The following ASTN2 variants were observed in gnomAD, a reference collection of about 807,000 sequenced individuals.
The protein encoded by ASTN2 is astrotactin-2.
In ASTN2, 54 loss-of-function variants were observed where a neutral mutation model predicts 139.8. The ratio of observed to expected loss-of-function variants is 0.39; its 90% CI spans 0.31 to 0.48. The LOEUF (loss-of-function observed/expected upper bound fraction) is 0.48, where lower values mean the gene tolerates loss of function less well. ASTN2 is among the 20% of genes least tolerant of loss of function. The pLI is 0.95. For missense variants in ASTN2, 1,565 were observed against 1,725.1 expected, an observed-to-expected ratio of 0.91 and a Z score of 1.64; for synonymous variants, 756 against 719.5, an observed-to-expected ratio of 1.05 and a Z score of -0.81.
intron 10 of ASTN2, among the ~76,000 whole-genome samples, chr9:116,907,916 A>C (rs1834209153): frequency 2.0e-5 from 3 of 152,170 alleles, no homozygotes; most frequent in South Asian, 4.1e-4. Context: ...TGAAGGCTGT[A>C]GGAGGCATCG....
At chr9:116,726,631 G>A (rs1405379746) in intron 15 of ASTN2, among the ~76,000 whole-genome samples, 4 of 152,126 alleles carry the variant, frequency 2.6e-5, no homozygotes, top group Non-Finnish European at 4.4e-5. Flanking sequence ...TATCTCTGCT[G>A]TTCCCTCTCT....
chr9:116,457,581 A>C (rs147623834), intron 20 of ASTN2, among the ~76,000 whole-genome samples: 1 of 152,260 alleles, frequency 6.6e-6, no homozygotes, highest in African/African-American at 2.4e-5. Context: ...TACAAATGGC[A>C]AACAGGTATA....
intron 10 of ASTN2, among the ~76,000 whole-genome samples, chr9:116,913,721 T>C (rs1834374192): frequency 6.6e-6 from 1 of 152,090 alleles, no homozygotes; most frequent in Admixed American, 6.5e-5. Flanking sequence ...TCTGCATTCG[T>C]AATTGGGGAA....
At chr9:116,764,851 A>G (rs116342009) in intron 13 of ASTN2, among the ~76,000 whole-genome samples, 8,316 of 152,208 alleles carry the variant, frequency 0.055, 746 homozygotes, top group African/African-American at 0.19. Flanking sequence ...GGAAGTTGAG[A>G]GCAGTATAAA....
intron 2 of ASTN2, among the ~76,000 whole-genome samples, chr9:117,278,435 G>T (rs1458057851): frequency 6.6e-6 from 1 of 152,132 alleles, no homozygotes; most frequent in African/African-American, 2.4e-5. Flanking sequence ...CACTCCCAGT[G>T]AAAATATTGA....
intron 17 of ASTN2, among the ~76,000 whole-genome samples, chr9:116,638,535 CA>C (rs35046233): frequency 3.4e-5 from 5 of 146,884 alleles, no homozygotes; most frequent in African/African-American, 1.0e-4. Flanking sequence ...GGGGAATTGC[CA>C]AAAAAAAAAC....
At chr9:117,082,069 T>C (rs1324796624) in intron 5 of ASTN2, among the ~76,000 whole-genome samples, 1 of 152,168 alleles carries the variant, frequency 6.6e-6, no homozygotes, top group Non-Finnish European at 1.5e-5. Flanking sequence ...GTCAACTGGT[T>C]ACTCATAGAA....
chr9:117,148,789 C>G (rs887529072), intron 3 of ASTN2, among the ~76,000 whole-genome samples: 3 of 152,090 alleles, frequency 2.0e-5, no homozygotes, highest in African/African-American at 7.2e-5. Context: ...TGGAGTAAAG[C>G]AGAACATTCT....
chr9:116,602,299 T>G (rs16933744), intron 19 of ASTN2, among the ~76,000 whole-genome samples: 3,765 of 152,298 alleles, frequency 0.025, 148 homozygotes, highest in African/African-American at 0.086. Context: ...AGAGATCATT[T>G]TGATGCTGGA....
Position 117,157,790 on chromosome 9 carries a change from G to A in ASTN2, c.1016-16312C>T, listed in dbSNP as rs142611945. The stretch of plus-strand genomic sequence containing the variant: ...ATGAGAAGGAGCGAATGACCCCATC[G>A]TGATGAGGCTTAAATGCCAAGCTAC... On this transcript the variant is annotated intron_variant, in intron 3 of 22. Coordinates refer to ENST00000313400, the MANE Select transcript of ASTN2 (RefSeq NM_001365068.1). Among the ~76,000 whole-genome samples, 18 of 152,092 alleles carry A rather than the reference G, an allele frequency of 1.2e-4. No individual in the cohort carries two copies. In the East Asian group the frequency reaches 2.7e-3, roughly 23 times the overall value.
chr9:116,795,633 G>A (rs1050195535), intron 13 of ASTN2, among the ~76,000 whole-genome samples: 1 of 152,166 alleles, frequency 6.6e-6, no homozygotes, highest in Non-Finnish European at 1.5e-5. Flanking sequence ...ACCAAAACAT[G>A]AGCTGCTTAG....
chr9:117,243,621 A>G (rs181840381), intron 2 of ASTN2, among the ~76,000 whole-genome samples: 156 of 152,306 alleles, frequency 1.0e-3, no homozygotes, highest in Non-Finnish European at 1.7e-3. Flanking sequence ...TACTACCATC[A>G]TAACGTCACT....
At chr9:117,291,642 C>A in intron 1 of ASTN2, 129 bp from the exon 2 acceptor site, 1 of 711,002 alleles carries the variant, frequency 1.4e-6, no homozygotes, top group Non-Finnish European at 2.3e-6. Context: ...TTCCTCACAT[C>A]AAGTCTATGA....
chr9:117,046,669 A>T (rs1056563491), intron 5 of ASTN2, among the ~76,000 whole-genome samples: 2 of 152,214 alleles, frequency 1.3e-5, no homozygotes, highest in Non-Finnish European at 2.9e-5. Flanking sequence ...TGGACAAGTC[A>T]TGTCACATCT....
intron 3 of ASTN2, among the ~76,000 whole-genome samples, chr9:117,186,416 G>A (rs961388546): frequency 3.9e-4 from 59 of 151,938 alleles, no homozygotes; most frequent in Admixed American, 2.1e-3. Flanking sequence ...GTGTGGTGGC[G>A]GGCGCCTGTA....
chr9:116,737,482 T>A (rs893298748), intron 13 of ASTN2, among the ~76,000 whole-genome samples: 1 of 151,700 alleles, frequency 6.6e-6, no homozygotes, highest in Non-Finnish European at 1.5e-5. Flanking sequence ...TGTGTGTGTG[T>A]GTGTGTGTGT....
chr9:116,759,389 C>T (rs192207834), intron 13 of ASTN2, among the ~76,000 whole-genome samples: 40 of 152,272 alleles, frequency 2.6e-4, no homozygotes, highest in Admixed American at 9.2e-4. Context: ...CATACATAAC[C>T]GATTGTTCGC....
intron 1 of ASTN2, among the ~76,000 whole-genome samples, chr9:117,382,945 C>G (rs2130931164): frequency 6.6e-6 from 1 of 152,142 alleles, no homozygotes; most frequent in Non-Finnish European, 1.5e-5. Flanking sequence ...AATACTATAT[C>G]CAGAAGGCAG....
chr9:116,534,623 G>A (rs1231620186), intron 19 of ASTN2, among the ~76,000 whole-genome samples: 1 of 152,174 alleles, frequency 6.6e-6, no homozygotes, highest in Non-Finnish European at 1.5e-5. Flanking sequence ...TATGTACCCA[G>A]TAGTCATTCA....
Sources: allele counts gnomAD v4.1 joint callset (sites outside exome capture counted in the v4.1 genomes callset), GRCh38; gene constraint gnomAD v4.1.1; transcripts MANE v1.5; gene names NCBI Gene and HGNC (gene_info 2026-07-23, HGNC 2026-07-21).